Variants in IRAK1BP1 observed in about 807,000 individuals in gnomAD.
The protein encoded by IRAK1BP1 is interleukin-1 receptor-associated kinase 1-binding protein 1.
IRAK1BP1 carries 24 observed loss-of-function variants against 28.0 expected under a neutral mutation model. The ratio of observed to expected loss-of-function variants is 0.86; its 90% CI spans 0.62 to 1.20. The LOEUF is 1.20. IRAK1BP1 is among the 50% of genes most tolerant of loss of function. The pLI, the probability that IRAK1BP1 is intolerant of heterozygous loss-of-function variation, is 0.00. For synonymous variants in IRAK1BP1, 131 were observed against 116.3 expected, an observed-to-expected ratio of 1.13 and a Z score of -0.81; for missense variants, 336 against 316.7, an observed-to-expected ratio of 1.06 and a Z score of -0.46.
intron 4 of IRAK1BP1, among the ~76,000 whole-genome samples, chr6:78,912,745 T>C (rs1772459958): frequency 6.6e-6 from 1 of 152,208 alleles, no homozygotes; most frequent in African/African-American, 2.4e-5. Flanking sequence ...TTTTACCTTA[T>C]GTAAAAACGT....
At chr6:78,971,896 G>C in the IRAK1BP1 span, among the ~76,000 whole-genome samples, 2 of 152,162 alleles carry the variant, frequency 1.3e-5, no homozygotes, top group African/African-American at 2.4e-5. Context: ...GAGTCTCGCT[G>C]ATTGCTAGCA....
chr6:78,878,390 T>G (rs1562077225), intron 1 of IRAK1BP1, among the ~76,000 whole-genome samples: 1 of 152,206 alleles, frequency 6.6e-6, no homozygotes, highest in Non-Finnish European at 1.5e-5. Context: ...AAACAGGGTC[T>G]GGAGTGGACC....
At chr6:78,909,894 G>A (rs1217640784) in intron 4 of IRAK1BP1, among the ~76,000 whole-genome samples, 2 of 152,102 alleles carry the variant, frequency 1.3e-5, no homozygotes, top group African/African-American at 2.4e-5. Context: ...ATTTCTATAT[G>A]TTGGATATTT....
At position 78,899,986 on chromosome 6, in the gene IRAK1BP1, C is replaced by T. The variant is rs141645723; in HGVS notation, c.*1652C>T. 99 of 152,024 alleles carry T rather than the reference C, an allele frequency of 6.5e-4. 1 individual carries two copies. The South Asian group carries it at 8.1e-3, about 12-fold the overall frequency. 9.4% of individuals were successfully genotyped at this position (152,024 alleles called of 1,614,324 possible). A position where few individuals can be genotyped will look rare whatever the true frequency, so the allele number is the denominator to read the frequency against. ...CTGTATTTAAATTTCCTAAAATGTA[C>T]AGTTGAAAAAAAGAGATTCACATAC... On this transcript the variant is annotated 3_prime_UTR_variant, in exon 4 of 4. Coordinates refer to ENST00000369940, the MANE Select transcript of IRAK1BP1 (RefSeq NM_001010844.4).
In IRAK1BP1 at chr6:78,933,940, T is replaced by C. The variant is rs1237183690; in HGVS notation, c.*68-11468T>C. Among the ~76,000 whole-genome samples, 8 of 152,224 alleles carry C rather than the reference T, an allele frequency of 5.3e-5. 1 individual carries two copies. ...GGCTGCTTGGCACAATAGTTTCAGC[T>C]TTCAGCCTCTCTTGGCTTTTGACAT... On this transcript the variant is annotated intron_variant and NMD_transcript_variant, in intron 4 of 4. Transcript: ENST00000606868.
downstream of IRAK1BP1, among the ~76,000 whole-genome samples, chr6:78,947,185 T>G (rs900419927): frequency 3.3e-5 from 5 of 152,220 alleles, no homozygotes; most frequent in African/African-American, 1.2e-4. Context: ...CCCAAATGTT[T>G]GAACCTGTTT....
At chr6:78,914,215 AGT>A (rs1772499858) in intron 4 of IRAK1BP1, among the ~76,000 whole-genome samples, 1 of 152,174 alleles carries the variant, frequency 6.6e-6, no homozygotes, top group African/African-American at 2.4e-5. Flanking sequence ...GGAGAAAAAG[AGT>A]GTTTGTTAAC....
intron 4 of IRAK1BP1, among the ~76,000 whole-genome samples, chr6:78,908,287 G>A (rs577132914): frequency 6.7e-6 from 1 of 149,674 alleles, no homozygotes; most frequent in East Asian, 2.0e-4. Context: ...TCCTAACCTC[G>A]TGATCCACCC....
Position 78,925,737 on chromosome 6 carries a change from C to T in IRAK1BP1, c.*68-19671C>T, listed in dbSNP as rs528464438. ...TCATTCTGTCATAAAGATATATGCA[C>T]ATATATGTTCATCACAGCAGTATTC... On this transcript the variant is annotated intron_variant and NMD_transcript_variant, in intron 4 of 4. Transcript: ENST00000606868. 4.6e-5 allele frequency among the ~76,000 whole-genome samples: 7 copies of T among 152,156 alleles called. No homozygotes were observed. The South Asian group carries it at 1.2e-3, about 27-fold the overall frequency.
At chr6:78,887,577 A>G (rs891338830) in intron 2 of IRAK1BP1, among the ~76,000 whole-genome samples, 1 of 152,088 alleles carries the variant, frequency 6.6e-6, no homozygotes, top group Non-Finnish European at 1.5e-5. Context: ...GAGACAGAAG[A>G]ATCAGTTGAA....
At chr6:78,871,500 A>T in intron 1 of IRAK1BP1, 1 of 985,516 alleles carries the variant, frequency 1.0e-6, no homozygotes. Flanking sequence ...CCACAGGAAC[A>T]GCAGACGAGA....
exon 5 of IRAK1BP1, chr6:78,946,109 T>C (rs1292936269): frequency 1.2e-6 from 2 of 1,613,952 alleles, no homozygotes; most frequent in Non-Finnish European, 1.7e-6. Flanking sequence ...ACTCGGTTGC[T>C]TCTGGTTCGA....
At chr6:78,946,089 A>T in exon 5 of IRAK1BP1, 1 of 1,613,620 alleles carries the variant, frequency 6.2e-7, no homozygotes, top group Non-Finnish European at 8.5e-7. Context: ...TGACAACTGG[A>T]TCTACAACCA....
chr6:78,945,271 T>C, intron 4 of IRAK1BP1: 1 of 1,446,250 alleles, frequency 6.9e-7, no homozygotes, highest in Non-Finnish European at 9.7e-7. Flanking sequence ...GGATCTACTG[T>C]ATCTTGAAAG....
intron 4 of IRAK1BP1, among the ~76,000 whole-genome samples, chr6:78,914,718 C>CACTT (rs1203304667): frequency 1.1e-4 from 16 of 152,208 alleles, no homozygotes; most frequent in Non-Finnish European, 2.1e-4. Context: ...TGGAACAACT[C>CACTT]ACTTATTAAG....
intron 2 of IRAK1BP1, among the ~76,000 whole-genome samples, chr6:78,891,484 G>A (rs987435751): frequency 2.1e-5 from 3 of 145,798 alleles, no homozygotes; most frequent in Non-Finnish European, 3.0e-5. Context: ...TTTTTGAGAC[G>A]AAGTCTCACT....
chr6:78,922,276 TGCACAA>T (rs1305184524), intron 4 of IRAK1BP1, among the ~76,000 whole-genome samples: 1 of 152,032 alleles, frequency 6.6e-6, no homozygotes, highest in Non-Finnish European at 1.5e-5. Flanking sequence ...ACATGACAAA[TGCACAA>T]GCCTCAGTAG....
At chr6:78,873,966 C>T (rs1452656829) in intron 1 of IRAK1BP1, among the ~76,000 whole-genome samples, 2 of 152,142 alleles carry the variant, frequency 1.3e-5, no homozygotes, top group South Asian at 2.1e-4. Flanking sequence ...CCTTGCTTTA[C>T]GTAATTGAAA....
At chr6:78,949,748 G>C (rs1054053518), downstream of IRAK1BP1, among the ~76,000 whole-genome samples, 5 of 151,888 alleles carry the variant, frequency 3.3e-5, no homozygotes, top group African/African-American at 1.2e-4. Flanking sequence ...GAGTTCAGTG[G>C]TATCATCTTG....
Sources: gnomAD v4.1 joint callset for allele counts (sites outside exome capture counted in the v4.1 genomes callset) on GRCh38, gnomAD v4.1.1 for gene constraint, MANE v1.5 for transcripts, NCBI Gene and HGNC (gene_info 2026-07-23, HGNC 2026-07-21) for gene names.